The following LARGE1 variants were observed in gnomAD, a reference collection of about 807,000 sequenced individuals.
LARGE1 encodes LARGE xylosyl- and glucuronyltransferase 1.
A neutral mutation model predicts 87.6 loss-of-function variants in LARGE1; 43 were observed. The observed-to-expected ratio is 0.49, with a 90% CI of 0.38 to 0.63. The LOEUF is 0.63. LARGE1 is among the 30% of genes least tolerant of loss of function. LARGE1 has a pLI of 0.00. For missense variants in LARGE1, 802 were observed against 1,000.2 expected (o/e 0.80, Z 2.67); for synonymous variants, 434 against 394.6 (o/e 1.10, Z -1.18).
intron 6 of LARGE1, among the ~76,000 whole-genome samples, chr22:33,543,290 G>A (rs948766949): frequency 2.0e-5 from 3 of 152,234 alleles, no homozygotes; most frequent in East Asian, 1.9e-4. Flanking sequence ...TCTCAGTGAA[G>A]AGGAATTTGT....
intron 11 of LARGE1, among the ~76,000 whole-genome samples, chr22:33,230,004 C>CT (rs557120175): frequency 0.16 from 12,988 of 81,118 alleles, 2,618 homozygotes; most frequent in Non-Finnish European, 0.23. Context: ...TTTCAAAGTT[C>CT]TTTTTTTTTT....
At chr22:33,523,679 CTT>C (rs34683069) in intron 6 of LARGE1, among the ~76,000 whole-genome samples, 12 of 147,878 alleles carry the variant, frequency 8.1e-5, no homozygotes, top group Admixed American at 1.3e-4. Flanking sequence ...CATATCATTT[CTT>C]TTTTTTTTTT....
At chr22:33,915,042 C>CACACACACACACACAG (rs144076486) in intron 1 of LARGE1, among the ~76,000 whole-genome samples, 3 of 137,032 alleles carry the variant, frequency 2.2e-5, no homozygotes, top group Non-Finnish European at 4.7e-5. Flanking sequence ...CACACACACA[C>CACACACACACACACAG]AGAGAGAGAG....
intron 5 of LARGE1, among the ~76,000 whole-genome samples, chr22:33,601,378 C>G (rs5749639): frequency 3.3e-5 from 5 of 152,098 alleles, no homozygotes; most frequent in African/African-American, 1.2e-4. Flanking sequence ...AAGATGAGCT[C>G]TCAGTTCCAG....
chr22:33,552,103 G>T (rs1238773879), intron 6 of LARGE1, among the ~76,000 whole-genome samples: 2 of 151,848 alleles, frequency 1.3e-5, no homozygotes, highest in African/African-American at 4.8e-5. Context: ...GGCTAAGTCA[G>T]TCATATGAAT....
intron 11 of LARGE1, among the ~76,000 whole-genome samples, chr22:33,239,335 A>G (rs1043056096): frequency 2.0e-5 from 3 of 152,056 alleles, no homozygotes; most frequent in African/African-American, 7.2e-5. Flanking sequence ...GATAGTGCCC[A>G]CTTACACACA....
chr22:33,855,527 G>A (rs1319555405), intron 1 of LARGE1, among the ~76,000 whole-genome samples: 1 of 152,078 alleles, frequency 6.6e-6, no homozygotes, highest in African/African-American at 2.4e-5. Flanking sequence ...GGGCTGTGTG[G>A]TACAATCCCC....
chr22:33,237,638 C>A (rs1926316431), intron 11 of LARGE1, among the ~76,000 whole-genome samples: 1 of 152,044 alleles, frequency 6.6e-6, no homozygotes, highest in African/African-American at 2.4e-5. Context: ...GGAAAAAAGT[C>A]AAAAATAATA....
intron 6 of LARGE1, among the ~76,000 whole-genome samples, chr22:33,450,146 A>C (rs1393320555): frequency 6.6e-6 from 1 of 151,958 alleles, no homozygotes; most frequent in Non-Finnish European, 1.5e-5. Flanking sequence ...TCCTGATCTC[A>C]AGTGATCCAT....
intron 11 of LARGE1, among the ~76,000 whole-genome samples, chr22:33,208,645 C>T (rs1224415310): frequency 1.3e-5 from 2 of 151,922 alleles, no homozygotes; most frequent in Non-Finnish European, 2.9e-5. Flanking sequence ...CATAGGTATA[C>T]ACGTGCCATG....
intron 11 of LARGE1, among the ~76,000 whole-genome samples, chr22:33,170,341 C>T (rs987034845): frequency 3.6e-4 from 55 of 152,060 alleles, no homozygotes; most frequent in African/African-American, 1.3e-3. Flanking sequence ...TGCACCCTGG[C>T]CTGGATGACA....
the LARGE1 span, among the ~76,000 whole-genome samples, chr22:33,093,240 G>A: frequency 6.6e-6 from 1 of 152,162 alleles, no homozygotes; most frequent in African/African-American, 2.4e-5. Context: ...TGATGATAAG[G>A]GAGACATTTT....
chr22:33,509,595 T>G (rs1423979015), intron 6 of LARGE1, among the ~76,000 whole-genome samples: 2 of 152,150 alleles, frequency 1.3e-5, no homozygotes, highest in Admixed American at 1.3e-4. Flanking sequence ...AGACTACAGG[T>G]GCATGCCACC....
chr22:33,902,652 G>C (rs1183246209), intron 1 of LARGE1, among the ~76,000 whole-genome samples: 1 of 152,174 alleles, frequency 6.6e-6, no homozygotes, highest in Admixed American at 6.5e-5. Context: ...CTGCCTAGGT[G>C]AATCTGTTAC....
chr22:33,777,917 AG>A (rs914461243), intron 1 of LARGE1, among the ~76,000 whole-genome samples: 1 of 152,206 alleles, frequency 6.6e-6, no homozygotes, highest in African/African-American at 2.4e-5. Context: ...TCAGTCACAC[AG>A]GGTAACACTA....
intron 2 of LARGE1, among the ~76,000 whole-genome samples, chr22:33,742,295 C>T (rs2083914077): frequency 6.6e-6 from 1 of 152,224 alleles, no homozygotes; most frequent in Non-Finnish European, 1.5e-5. Flanking sequence ...AAGTAAATCA[C>T]AGAGAACAGC....
chr22:33,563,242 T>C (rs141863010), intron 6 of LARGE1: 1 of 152,370 alleles, frequency 6.6e-6, no homozygotes, highest in East Asian at 1.9e-4. Context: ...GGGAGTCTAG[T>C]ACATACGACC....
At chr22:33,707,027 A>T (rs750885254) in intron 2 of LARGE1, among the ~76,000 whole-genome samples, 1 of 152,260 alleles carries the variant, frequency 6.6e-6, no homozygotes, top group Non-Finnish European at 1.5e-5. Flanking sequence ...GTCTTCCAGA[A>T]TGTCACCAGA....
chr22:33,376,055 G>T (rs2064982793), intron 9 of LARGE1, among the ~76,000 whole-genome samples: 1 of 152,116 alleles, frequency 6.6e-6, no homozygotes, highest in Non-Finnish European at 1.5e-5. Flanking sequence ...GGAAGAAAAA[G>T]TTATGTTTCT....
Sources: allele counts gnomAD v4.1 joint callset (sites outside exome capture counted in the v4.1 genomes callset), GRCh38; gene constraint gnomAD v4.1.1; transcripts MANE v1.5; gene names NCBI Gene and HGNC (gene_info 2026-07-23, HGNC 2026-07-21).